RNF17: variants seen among roughly 807,000 people sequenced by gnomAD.
RNF17 encodes spermatogenesis associated 23.
Under a neutral mutation model 200.5 loss-of-function variants are expected in RNF17, and 31 were observed. That is an observed-to-expected ratio of 0.15 (90% CI 0.12 to 0.21). The LOEUF (loss-of-function observed/expected upper bound fraction) is 0.21. Among genes scored for constraint, RNF17 ranks in the 10% least tolerant of loss-of-function variants. The probability of loss-of-function intolerance (pLI) is 1.00; values close to 1 mark genes in which losing one functional copy is unlikely to be tolerated. For synonymous variants in RNF17, 606 were observed against 637.8 expected, an observed-to-expected ratio of 0.95 and a Z score of 0.75; for missense variants, 1,628 against 1,905.1, an observed-to-expected ratio of 0.85 and a Z score of 2.71.
downstream of RNF17, chr13:24,883,889 C>CT: frequency 1.3e-6 from 2 of 1,585,500 alleles, no homozygotes; most frequent in Non-Finnish European, 1.7e-6. Context: ...AAACGCAAGG[C>CT]TGGGGCACCT....
chr13:24,824,395 A>T (rs531620058), intron 15 of RNF17: 28 of 417,436 alleles, frequency 6.7e-5, no homozygotes, highest in Non-Finnish European at 1.1e-4. Flanking sequence ...AGTAGTTTTA[A>T]AGTAATTTAA....
chr13:24,799,722 T>G, intron 12 of RNF17, 138 bp downstream of exon 12: 1 of 607,622 alleles, frequency 1.6e-6, no homozygotes, highest in Admixed American at 3.3e-5. Context: ...TTTTATTATT[T>G]TGCTCTACTG....
intron 5 of RNF17, among the ~76,000 whole-genome samples, chr13:24,780,609 C>T (rs1461470350): frequency 6.6e-6 from 1 of 152,158 alleles, no homozygotes; most frequent in East Asian, 1.9e-4. Flanking sequence ...TGGGCAGGCT[C>T]ACTTGGTCAT....
intron 4 of RNF17, among the ~76,000 whole-genome samples, chr13:24,779,443 A>G (rs1882052170): frequency 6.6e-6 from 1 of 152,164 alleles, no homozygotes; most frequent in East Asian, 1.9e-4. Context: ...TTATGAAAAA[A>G]ATCTGGAATG....
At chr13:24,861,070 G>A (rs2138314570) in intron 26 of RNF17, among the ~76,000 whole-genome samples, 198 bp from the exon 27 acceptor site, 1 of 151,898 alleles carries the variant, frequency 6.6e-6, no homozygotes, top group Admixed American at 6.6e-5. Context: ...TTAGAGATGG[G>A]GTCTTGCCGT....
intron 6 of RNF17, among the ~76,000 whole-genome samples, chr13:24,783,345 TC>T (rs1882686517): frequency 6.6e-6 from 1 of 152,226 alleles, no homozygotes. Context: ...ACAACTTTGT[TC>T]CTTTTCAAGA....
chr13:24,763,369 A>ATTTTTTT (rs34750040), upstream of RNF17, among the ~76,000 whole-genome samples: 9 of 114,690 alleles, frequency 7.8e-5, no homozygotes, highest in Admixed American at 1.0e-4. Flanking sequence ...CGTCCGGCTA[A>ATTTTTTT]TTTTTTTTTT....
At chr13:24,764,096 C>T (rs925412487), upstream of RNF17, 12 of 1,097,470 alleles carry the variant, frequency 1.1e-5, no homozygotes, top group East Asian at 2.4e-5. Context: ...TTTAATCTCC[C>T]GGCCCACTGT....
chr13:24,831,267 C>G (rs905980424), intron 17 of RNF17, among the ~76,000 whole-genome samples: 4 of 152,006 alleles, frequency 2.6e-5, no homozygotes, highest in Admixed American at 1.3e-4. Flanking sequence ...GATGAAACCC[C>G]ATCTCTACTA....
chr13:24,837,075 A>G (rs11618536), intron 18 of RNF17, among the ~76,000 whole-genome samples: 19,056 of 152,154 alleles, frequency 0.13, 1,255 homozygotes, highest in Middle Eastern at 0.16. Flanking sequence ...AAGGGTAGTT[A>G]TTCTTATATC....
At chr13:24,878,727 G>A (rs1417511242) in intron 34 of RNF17, among the ~76,000 whole-genome samples, 1 of 152,166 alleles carries the variant, frequency 6.6e-6, no homozygotes, top group Non-Finnish European at 1.5e-5. Flanking sequence ...GATGTCCCCT[G>A]CCCACATAGA....
At chr13:24,843,596 G>A (rs1436666696) in intron 19 of RNF17, 148 bp from the exon 20 acceptor site, 2 of 642,656 alleles carry the variant, frequency 3.1e-6, no homozygotes, top group Non-Finnish European at 5.5e-6. Flanking sequence ...CTTATATACA[G>A]TAAAAAGTCA....
downstream of RNF17, chr13:24,883,088 A>G: frequency 8.5e-7 from 1 of 1,182,420 alleles, no homozygotes; most frequent in African/African-American, 1.5e-5. Flanking sequence ...CCCCACACAT[A>G]CACAATAAAT....
rs184589997 is a variant in RNF17, at chr13:24,836,860, A to G, written c.2482+4882A>G. Reference sequence around the variant, plus strand: ...GGCAACAAAGAGCACCATGAATGCAATGGTACCTCACGTTTCAATATTAAC... The same window carrying G: ...GGCAACAAAGAGCACCATGAATGCAGTGGTACCTCACGTTTCAATATTAAC... On this transcript the variant is annotated intron_variant, in intron 18 of 35. Coordinates refer to ENST00000255324, the MANE Select transcript of RNF17 (RefSeq NM_031277.3). Among the ~76,000 whole-genome samples, 10 of 152,308 alleles carry G rather than the reference A, an allele frequency of 6.6e-5. No homozygotes were observed. The East Asian group carries it at 1.7e-3, about 26-fold the overall frequency.
chr13:24,820,984 T>C (rs1331568618), intron 15 of RNF17, among the ~76,000 whole-genome samples: 1 of 152,188 alleles, frequency 6.6e-6, no homozygotes, highest in African/African-American at 2.4e-5. Context: ...CAGAATTTAT[T>C]GTCAACAGTT....
Position 24,868,459 on chromosome 13 carries a change from G to A in RNF17, c.4162-141G>A, listed in dbSNP as rs75052736. On this transcript the variant is annotated intron_variant, in intron 30 of 35. Transcript: ENST00000255324. ...CACTCCAGCCTGGGCGACAGAGCGA[G>A]ACTCCGTCTCAAAAAAAAAAAAAAA... 866 of 330,550 alleles carry A rather than the reference G, an allele frequency of 2.6e-3. 23 individuals carry two copies. In the East Asian group the frequency reaches 0.04, roughly 15 times the overall value. 20.5% of individuals were successfully genotyped at this position (330,550 alleles called of 1,614,324 possible).
At position 24,842,141 on chromosome 13, in the gene RNF17, C is replaced by T. The variant is rs1890706176; in HGVS notation, c.2583C>T (p.Gly861=). Residue 861 remains glycine (G), a synonymous_variant, in exon 19 of 36, where the codon GGC becomes GGT. Coordinates refer to ENST00000255324, the MANE Select transcript of RNF17 (RefSeq NM_031277.3). ...TTAATGACCAGCTAGTTAAAGAGGG[C>T]CTAGCATCTTATGAAATAGGGTAAG... ...TSINDQLVKE[G]LASYEIGYIL... is the part of the protein sequence containing the mutation. 6.2e-7 allele frequency: 1 copy of T among 1,604,668 alleles called. No homozygotes were observed. Among genetic ancestry groups the T allele is most frequent in the East Asian group, 2.2e-5 (1 of 44,710 alleles).
rs1223029727 is a variant in RNF17, at chr13:24,825,744, T to C, written c.2217T>C (p.Asp739=). The C allele has an allele frequency of 3.1e-6, 5 of 1,613,552 alleles. No individual in the cohort carries two copies. The highest frequency in any genetic ancestry group is 4.2e-6 in the Non-Finnish European group (5 of 1,179,738). The change falls in exon 16 of 36, where the codon GAT becomes GAC. Residue 739 remains aspartate, a synonymous_variant. Coordinates refer to ENST00000255324, the MANE Select transcript of RNF17 (RefSeq NM_031277.3). ...AAGCCTGTGTAGCTAAATTTGAAGATGGAATTTGGTACCGAGCAAAAGTTA... is the reference window on the plus strand; with the variant it reads ...AAGCCTGTGTAGCTAAATTTGAAGACGGAATTTGGTACCGAGCAAAAGTTA... ...QDQACVAKFE[D]GIWYRAKVIG...
chr13:24,763,652 C>A (rs1241148459), upstream of RNF17, among the ~76,000 whole-genome samples: 1 of 152,132 alleles, frequency 6.6e-6, no homozygotes, highest in Non-Finnish European at 1.5e-5. Flanking sequence ...TTAGCATCCC[C>A]AACCACTCTT....
Sources: gnomAD v4.1 joint callset for allele counts (sites outside exome capture counted in the v4.1 genomes callset) on GRCh38, gnomAD v4.1.1 for gene constraint, MANE v1.5 for transcripts, NCBI Gene and HGNC (gene_info 2026-07-23, HGNC 2026-07-21) for gene names.